The following SAMMSON variants were observed in gnomAD, a reference collection of about 807,000 sequenced individuals.
SAMMSON encodes the protein long intergenic non-protein coding RNA 1212.
At chr3:70,051,445 C>CCA (rs2067145824) in intron 3 of SAMMSON, among the ~76,000 whole-genome samples, 1 of 143,218 alleles carries the variant, frequency 7.0e-6, no homozygotes, top group African/African-American at 2.5e-5. Flanking sequence ...TTTTGCCATT[C>CCA]TAATGGCAAA....
chr3:70,131,693 A>T (rs1346584751), intron 4 of SAMMSON, among the ~76,000 whole-genome samples: 3 of 151,998 alleles, frequency 2.0e-5, no homozygotes, highest in Non-Finnish European at 4.4e-5. Context: ...CGATTCTCTC[A>T]CCTCGGCCTC....
chr3:70,150,779 A>G (rs1200670895), intron 4 of SAMMSON, among the ~76,000 whole-genome samples: 1 of 152,096 alleles, frequency 6.6e-6, no homozygotes, highest in Admixed American at 6.6e-5. Context: ...AAACGTGCAT[A>G]TGAAGAGAAG....
chr3:70,349,309 G>T (rs1046168625), intron 7 of SAMMSON, among the ~76,000 whole-genome samples: 1 of 152,076 alleles, frequency 6.6e-6, no homozygotes, highest in Non-Finnish European at 1.5e-5. Flanking sequence ...AGGAGGCAGA[G>T]GTTGCAGTGA....
At chr3:70,093,615 C>A (rs1014787000) in intron 4 of SAMMSON, among the ~76,000 whole-genome samples, 2 of 152,028 alleles carry the variant, frequency 1.3e-5, no homozygotes, top group Non-Finnish European at 2.9e-5. Flanking sequence ...AATGTCCTTC[C>A]AGCTGGATAC....
rs542831319 is a variant in SAMMSON, at chr3:70,193,595, C to T, written n.508-55512C>T. Among the ~76,000 whole-genome samples, 9 of 152,230 alleles carry T rather than the reference C, an allele frequency of 5.9e-5. No individual in the cohort carries two copies. In the East Asian group the frequency reaches 1.5e-3, roughly 26 times the overall value. ...TTGCCTTTCTACACAGCTCACCTGACGATACATGTGGCAACTGTTTAGGTT... is the reference window on the plus strand; with the variant it reads ...TTGCCTTTCTACACAGCTCACCTGATGATACATGTGGCAACTGTTTAGGTT... On this transcript the variant is annotated intron_variant and non_coding_transcript_variant, in intron 4 of 9. Coordinates refer to ENST00000642114, the Ensembl canonical transcript of SAMMSON.
At chr3:70,363,406 A>G (rs1487357480) in intron 9 of SAMMSON, among the ~76,000 whole-genome samples, 1 of 152,000 alleles carries the variant, frequency 6.6e-6, no homozygotes, top group African/African-American at 2.4e-5. Flanking sequence ...CGCTGACAAC[A>G]TAATCTTATA....
intron 3 of SAMMSON, among the ~76,000 whole-genome samples, chr3:70,021,754 C>T (rs990898125): frequency 1.8e-4 from 28 of 151,964 alleles, no homozygotes; most frequent in African/African-American, 6.3e-4. Flanking sequence ...TGGACTGTAG[C>T]CTGCTCCAAT....
At chr3:70,430,790 T>A (rs1454190299) in intron 2 of SAMMSON, among the ~76,000 whole-genome samples, 1 of 152,178 alleles carries the variant, frequency 6.6e-6, no homozygotes, top group South Asian at 2.1e-4. Context: ...ATTTGGTTGA[T>A]GTATACTATA....
At chr3:70,386,725 C>T (rs1221168807) in intron 9 of SAMMSON, among the ~76,000 whole-genome samples, 1 of 152,004 alleles carries the variant, frequency 6.6e-6, no homozygotes, top group Admixed American at 6.6e-5. Flanking sequence ...AGGGGAGGTA[C>T]ATGAGGGCAG....
intron 4 of SAMMSON, among the ~76,000 whole-genome samples, chr3:70,084,342 T>C (rs2067278190): frequency 1.3e-5 from 2 of 152,206 alleles, no homozygotes; most frequent in Non-Finnish European, 2.9e-5. Flanking sequence ...GAAACCACCA[T>C]AGCAATTAAC....
chr3:70,370,739 T>C (rs943842471), intron 9 of SAMMSON, among the ~76,000 whole-genome samples: 4 of 152,108 alleles, frequency 2.6e-5, no homozygotes, highest in Admixed American at 1.3e-4. Flanking sequence ...ATAGATAGTT[T>C]GCAACTACTT....
rs200336047 is a variant in SAMMSON at position 70,418,919 on chromosome 3, TCTTTCCTTTCCTTTC to T, written n.234-43602_234-43588del. Among the ~76,000 whole-genome samples, 365 of 85,112 alleles carry T rather than the reference TCTTTCCTTTCCTTTC, an allele frequency of 4.3e-3. 6 individuals are homozygous for T. Among genetic ancestry groups the T allele is most frequent in the Admixed American group, 0.021 (150 of 7,198 alleles). 55.8% of individuals were successfully genotyped at this position (85,112 alleles called of 152,430 possible). A position where few individuals can be genotyped will look rare whatever the true frequency, so the allele number is the denominator to read the frequency against. Reference sequence around the variant, plus strand: ...AAATCCAAGGGTTTGATGTTTGCTTTCTTTCCTTTCCTTTCCTTTCCTTTCCTTTCCTTTCCTTTC... The same window carrying T: ...AAATCCAAGGGTTTGATGTTTGCTTTCTTTCCTTTCCTTTCCTTTCCTTTC... On this transcript the variant is annotated intron_variant and non_coding_transcript_variant, in intron 2 of 3. Coordinates refer to the SAMMSON transcript ENST00000641053.
In SAMMSON at chr3:70,212,823, T is replaced by C. The variant is rs961486036; in HGVS notation, n.508-36284T>C. 5.3e-5 allele frequency among the ~76,000 whole-genome samples: 8 copies of C among 152,180 alleles called. 1 individual carries two copies. The highest frequency in any genetic ancestry group is 6.8e-3 in the Middle Eastern group (2 of 294). ...CTTTTTTTGAGACAGGGTCTCACTC[T>C]GTCACCCAGGCTGGAGTGCAGTGGT... is the stretch of plus-strand genomic sequence containing the variant. On this transcript the variant is annotated intron_variant and non_coding_transcript_variant, in intron 4 of 9. Transcript: ENST00000642114.
At chr3:70,160,270 G>T (rs2067609624) in intron 4 of SAMMSON, among the ~76,000 whole-genome samples, 1 of 151,196 alleles carries the variant, frequency 6.6e-6, no homozygotes, top group African/African-American at 2.4e-5. Flanking sequence ...AAGTTGTATT[G>T]TTTTAGCTCC....
chr3:70,261,062 A>C (rs1701860855), intron 6 of SAMMSON, among the ~76,000 whole-genome samples: 1 of 152,210 alleles, frequency 6.6e-6, no homozygotes, highest in South Asian at 2.1e-4. Flanking sequence ...TAAGAATATA[A>C]GCACTTCAAC....
chr3:70,110,197 A>G (rs2067383021), intron 4 of SAMMSON, among the ~76,000 whole-genome samples: 1 of 151,950 alleles, frequency 6.6e-6, no homozygotes. Flanking sequence ...CTCTACTCTT[A>G]CTCTGTAAGA....
At chr3:70,434,004 A>G (rs769396552) in intron 2 of SAMMSON, among the ~76,000 whole-genome samples, 1 of 152,160 alleles carries the variant, frequency 6.6e-6, no homozygotes, top group East Asian at 1.9e-4. Flanking sequence ...TCATCTGTTC[A>G]TCTATTCTTT....
chr3:70,077,562 C>G (rs548616988), intron 4 of SAMMSON, among the ~76,000 whole-genome samples: 3 of 152,010 alleles, frequency 2.0e-5, no homozygotes, highest in Admixed American at 1.3e-4. Context: ...TTTTGAGTGT[C>G]TGTTTTATTA....
chr3:70,410,973 G>A (rs1199855829), intron 2 of SAMMSON, among the ~76,000 whole-genome samples: 6 of 152,168 alleles, frequency 3.9e-5, no homozygotes, highest in South Asian at 2.1e-4. Flanking sequence ...TCTGAGGGCC[G>A]GAGCACTGTC....
Sources: allele counts gnomAD v4.1 joint callset (sites outside exome capture counted in the v4.1 genomes callset), GRCh38; gene constraint gnomAD v4.1.1; transcripts MANE v1.5; gene names NCBI Gene and HGNC (gene_info 2026-07-23, HGNC 2026-07-21).